Variants in ABHD6 observed in about 807,000 individuals in gnomAD.
ABHD6 encodes abhydrolase domain containing 6, acylglycerol lipase.
In ABHD6, 33 loss-of-function variants were observed where a neutral mutation model predicts 38.8. The ratio of observed to expected loss-of-function variants is 0.85; its 90% CI spans 0.64 to 1.14. The LOEUF (loss-of-function observed/expected upper bound fraction) is 1.14. Ranked by LOEUF, ABHD6 falls within the 50% of genes most tolerant of loss-of-function variation. The pLI is 0.00. For missense variants in ABHD6, 380 were observed against 422.6 expected (o/e 0.90, Z 0.88); for synonymous variants, 147 against 161.6 (o/e 0.91, Z 0.69).
At chr3:58,242,726 A>G (rs549731871) in intron 1 of ABHD6, among the ~76,000 whole-genome samples, 56 of 151,976 alleles carry the variant, frequency 3.7e-4, no homozygotes, top group African/African-American at 1.4e-3. Context: ...TTTTATTGTT[A>G]TTATTATTAT....
chr3:58,290,868 G>A (rs1159359228), intron 9 of ABHD6, among the ~76,000 whole-genome samples: 25 of 148,246 alleles, frequency 1.7e-4, no homozygotes, highest in African/African-American at 5.8e-4. Context: ...GATGGCGGCC[G>A]GGCAGAGACG....
rs767907530 is a variant in ABHD6 at position 58,267,589 on chromosome 3, T to TG, written c.276+250dup. Among the ~76,000 whole-genome samples, 16 of 151,868 alleles carry TG rather than the reference T, an allele frequency of 1.1e-4. No homozygotes were observed. The highest frequency in any genetic ancestry group is 1.7e-4 in the African/African-American group (7 of 41,336). On this transcript the variant is annotated intron_variant, in intron 4 of 9. Coordinates refer to ENST00000478253, the MANE Select transcript of ABHD6 (RefSeq NM_001320126.2). The surrounding 1 kb of genome is among the most constrained non-coding windows in gnomAD (Gnocchi z 4.3). Reference sequence around the variant, plus strand: ...CTGAGGTGGGAAGATTGCTTGAGCCTGGGGGGTCAAGTCTTCAGTGAGCAA... The same window carrying TG: ...CTGAGGTGGGAAGATTGCTTGAGCCTGGGGGGGTCAAGTCTTCAGTGAGCAA...
At chr3:58,288,620 T>C (rs1229581802) in intron 9 of ABHD6, among the ~76,000 whole-genome samples, 3 of 152,192 alleles carry the variant, frequency 2.0e-5, no homozygotes, top group Non-Finnish European at 4.4e-5. Flanking sequence ...ACCCACTGAC[T>C]GACTACACAT....
chr3:58,240,596 A>T (rs1318190647), intron 1 of ABHD6, among the ~76,000 whole-genome samples: 2 of 151,696 alleles, frequency 1.3e-5, no homozygotes, highest in Non-Finnish European at 2.9e-5. Context: ...ACAGGGTCTC[A>T]CTCTGTTACC....
chr3:58,290,612 A>G, intron 9 of ABHD6, among the ~76,000 whole-genome samples: 1 of 137,532 alleles, frequency 7.3e-6, no homozygotes, highest in South Asian at 2.5e-4. Flanking sequence ...GGGGCTCCTC[A>G]CTTCTCAGAC....
intron 1 of ABHD6, among the ~76,000 whole-genome samples, chr3:58,243,892 A>G (rs540993595): frequency 6.6e-6 from 1 of 152,192 alleles, no homozygotes; most frequent in African/African-American, 2.4e-5. Context: ...TCAAACCTCA[A>G]GTGATCCACC....
At chr3:58,289,549 G>A (rs1038124957) in intron 9 of ABHD6, among the ~76,000 whole-genome samples, 5 of 149,268 alleles carry the variant, frequency 3.3e-5, no homozygotes, top group Non-Finnish European at 7.4e-5. Context: ...ACAGGGTTGC[G>A]GGGTAAGGTC....
At chr3:58,241,129 C>T (rs556057256) in intron 1 of ABHD6, among the ~76,000 whole-genome samples, 1 of 152,152 alleles carries the variant, frequency 6.6e-6, no homozygotes, top group Admixed American at 6.6e-5. Flanking sequence ...AAACGTCCTA[C>T]GATGCACAGG....
intron 1 of ABHD6, among the ~76,000 whole-genome samples, 200 bp from the exon 2 acceptor site, chr3:58,249,678 G>C (rs184395318): frequency 6.6e-6 from 1 of 152,182 alleles, no homozygotes; most frequent in Non-Finnish European, 1.5e-5. Context: ...CTTTGTGCAC[G>C]TTTGCCTTAT....
Position 58,269,214 on chromosome 3 carries a change from C to T in ABHD6, c.277-107C>T, listed in dbSNP as rs1230800429. On this transcript the variant is annotated intron_variant, in intron 4 of 9. Transcript: ENST00000478253. This position sits in a 1 kb window ranked among gnomAD's most constrained non-coding sequence, Gnocchi z 4.4. ...ACTGAGTGGCCAAGACCCATACATCCCCAGGGATGGCTGTCTGGGTCACTG... is the reference window on the plus strand; with the variant it reads ...ACTGAGTGGCCAAGACCCATACATCTCCAGGGATGGCTGTCTGGGTCACTG... 3 of 739,920 alleles carry T rather than the reference C, an allele frequency of 4.1e-6. No homozygotes were observed. The highest frequency in any genetic ancestry group is 2.7e-5 in the East Asian group (1 of 36,368). The allele number at this position is 739,920 out of a possible 1,614,324, so 45.8% of individuals were successfully genotyped here.
intron 3 of ABHD6, chr3:58,258,413 G>C (rs192485151): frequency 1.6e-5 from 7 of 428,130 alleles, no homozygotes; most frequent in African/African-American, 1.0e-4. Flanking sequence ...CATGAGCAGC[G>C]TGAAAGATGT....
intron 3 of ABHD6, among the ~76,000 whole-genome samples, chr3:58,264,004 A>G (rs2097438991): frequency 6.6e-6 from 1 of 152,094 alleles, no homozygotes; most frequent in Non-Finnish European, 1.5e-5. Context: ...AATCAATAGT[A>G]TTTAAAAAAA....
chr3:58,274,211 T>C (rs1176474891), intron 6 of ABHD6, among the ~76,000 whole-genome samples: 1 of 152,238 alleles, frequency 6.6e-6, no homozygotes, highest in Non-Finnish European at 1.5e-5. Flanking sequence ...GTGTCATTCA[T>C]GCCAGCCCTA....
At chr3:58,260,930 T>A (rs1317296085) in intron 3 of ABHD6, among the ~76,000 whole-genome samples, 2 of 152,132 alleles carry the variant, frequency 1.3e-5, no homozygotes, top group Non-Finnish European at 2.9e-5. Flanking sequence ...TGGGTCTAAG[T>A]GTCCCTGGAG....
At chr3:58,281,356 T>C (rs542541781) in intron 7 of ABHD6, among the ~76,000 whole-genome samples, 1 of 152,206 alleles carries the variant, frequency 6.6e-6, no homozygotes, top group Non-Finnish European at 1.5e-5. Context: ...CTCAGACTGC[T>C]GTGCTAGCAG....
In ABHD6 at chr3:58,267,220, C is replaced by A. The variant is rs745529811; in HGVS notation, c.151C>A (p.Arg51Ser). ...YWRRTLGMQV[R>S]YVHHEDYQFC... ...GCGGAGGACATTGGGCATGCAAGTCCGCTATGTTCACCATGAAGACTATCA... is the reference window on the plus strand; with the variant it reads ...GCGGAGGACATTGGGCATGCAAGTCAGCTATGTTCACCATGAAGACTATCA... Residue 51 changes from arginine to serine, a missense_variant, in exon 4 of 10, where the codon CGC (arginine) becomes AGC (serine). Physicochemically the swap from Arg to Ser is moderately radical, Grantham distance 110. Transcript: ENST00000478253. This position sits in a 1 kb window ranked among gnomAD's most constrained non-coding sequence, Gnocchi z 4.3. 1 of 1,614,144 alleles carries A rather than the reference C, an allele frequency of 6.2e-7. No individual in the cohort carries two copies. The highest frequency in any genetic ancestry group is 1.7e-5 in the Admixed American group (1 of 60,014).
intron 1 of ABHD6, among the ~76,000 whole-genome samples, chr3:58,248,133 C>A (rs1173169567): frequency 1.3e-5 from 2 of 152,016 alleles, no homozygotes; most frequent in African/African-American, 4.8e-5. Flanking sequence ...CTGTTCCATG[C>A]TTTTTTGAGT....
intron 6 of ABHD6, among the ~76,000 whole-genome samples, chr3:58,272,071 T>A (rs1158054283): frequency 6.6e-6 from 1 of 152,174 alleles, no homozygotes; most frequent in Non-Finnish European, 1.5e-5. Flanking sequence ...CCCAAAGTGC[T>A]GGGAATAGGC....
intron 1 of ABHD6, among the ~76,000 whole-genome samples, chr3:58,242,045 T>C (rs529362675): frequency 6.6e-6 from 1 of 152,300 alleles, no homozygotes; most frequent in South Asian, 2.1e-4. Context: ...GGCAGTGCTT[T>C]AATAGCTAAG....
Sources: allele counts gnomAD v4.1 joint callset (sites outside exome capture counted in the v4.1 genomes callset), GRCh38; gene constraint gnomAD v4.1.1; non-coding constraint Gnocchi (gnomAD v3.1); transcripts MANE v1.5; gene names NCBI Gene and HGNC (gene_info 2026-07-23, HGNC 2026-07-21).